The following PCDH7 variants were observed in gnomAD, a reference collection of about 807,000 sequenced individuals.
PCDH7 encodes protocadherin-7.
PCDH7 carries 17 observed loss-of-function variants against 58.9 expected under a neutral mutation model. The observed-to-expected ratio is 0.29, with a 90% CI of 0.20 to 0.43. The LOEUF (loss-of-function observed/expected upper bound fraction) is 0.43. Among genes scored for constraint, PCDH7 ranks in the 20% least tolerant of loss-of-function variants. The pLI is 1.00. For synonymous variants in PCDH7, 664 were observed against 616.4 expected, an observed-to-expected ratio of 1.08 and a Z score of -1.14; for missense variants, 1,274 against 1,441.0, an observed-to-expected ratio of 0.88 and a Z score of 1.88.
chr4:31,099,073 G>A (rs2109297881), intron 3 of PCDH7, among the ~76,000 whole-genome samples: 1 of 152,256 alleles, frequency 6.6e-6, no homozygotes, highest in Middle Eastern at 3.4e-3. Flanking sequence ...CAGTCATGTT[G>A]ATGGTGAAGG....
At chr4:31,123,786 G>T (rs906998387) in intron 3 of PCDH7, among the ~76,000 whole-genome samples, 1 of 152,120 alleles carries the variant, frequency 6.6e-6, no homozygotes, top group African/African-American at 2.4e-5. Flanking sequence ...GGATTTTATG[G>T]AGCAATGGAA....
chr4:31,138,802 T>C (rs1045180845), intron 3 of PCDH7, among the ~76,000 whole-genome samples: 1 of 152,038 alleles, frequency 6.6e-6, no homozygotes, highest in Non-Finnish European at 1.5e-5. Context: ...TGAAACCCCA[T>C]TGTATTTTGA....
intron 3 of PCDH7, among the ~76,000 whole-genome samples, chr4:31,101,076 C>G (rs1714832114): frequency 6.6e-6 from 1 of 152,100 alleles, no homozygotes; most frequent in South Asian, 2.1e-4. Flanking sequence ...CAAGCTGCTT[C>G]TCTGTTGATT....
intron 1 of PCDH7, among the ~76,000 whole-genome samples, chr4:30,915,903 A>C (rs138605723): frequency 6.6e-6 from 1 of 151,938 alleles, no homozygotes; most frequent in Non-Finnish European, 1.5e-5. Flanking sequence ...TGTATTATCT[A>C]TCCAATTTCT....
chr4:30,860,113 C>A (rs1467521881), intron 1 of PCDH7, among the ~76,000 whole-genome samples: 1 of 152,116 alleles, frequency 6.6e-6, no homozygotes, highest in African/African-American at 2.4e-5. Context: ...AATTCTCAAA[C>A]CTCTGAAGGG....
chr4:30,938,430 A>G (rs999643082), intron 2 of PCDH7, among the ~76,000 whole-genome samples: 3 of 151,888 alleles, frequency 2.0e-5, no homozygotes, highest in African/African-American at 7.3e-5. Context: ...TCATTCTGAA[A>G]TTTATGAGCA....
chr4:31,124,261 TA>T (rs770701780), intron 3 of PCDH7, among the ~76,000 whole-genome samples: 2 of 152,170 alleles, frequency 1.3e-5, no homozygotes, highest in Non-Finnish European at 2.9e-5. Flanking sequence ...CTTCTATGTG[TA>T]TACCATAATG....
chr4:30,730,305 A>G (rs1715300215), intron 1 of PCDH7, among the ~76,000 whole-genome samples: 1 of 151,986 alleles, frequency 6.6e-6, no homozygotes, highest in African/African-American at 2.4e-5. Context: ...GTTTTTTTAA[A>G]AAAACCCATA....
chr4:30,939,398 A>T (rs1745755381), intron 2 of PCDH7, among the ~76,000 whole-genome samples: 1 of 152,122 alleles, frequency 6.6e-6, no homozygotes, highest in Non-Finnish European at 1.5e-5. Context: ...CTGGTAATAA[A>T]CTTTCATGGA....
At chr4:30,885,737 G>A (rs967593169) in intron 1 of PCDH7, among the ~76,000 whole-genome samples, 2 of 152,130 alleles carry the variant, frequency 1.3e-5, no homozygotes, top group Admixed American at 6.6e-5. Flanking sequence ...CAAGGCTACA[G>A]TAACCAAAAC....
intron 1 of PCDH7, among the ~76,000 whole-genome samples, chr4:30,776,491 A>G (rs1447967304): frequency 6.6e-6 from 1 of 152,232 alleles, no homozygotes; most frequent in African/African-American, 2.4e-5. Flanking sequence ...AAATATCACC[A>G]TGTTTTAGAG....
Position 30,788,425 on chromosome 4 carries a change from G to A in PCDH7, c.70+63829G>A, listed in dbSNP as rs778949113. Among the ~76,000 whole-genome samples the A allele has an allele frequency of 4.3e-4, 65 of 152,030 alleles. No homozygotes were observed. The Middle Eastern group carries it at 0.014, about 32-fold the overall frequency. ...TCTTTCTATGTGACAATCAACTGCA[G>A]TTAGTACCCTATCTGTAATATTACA... is the stretch of plus-strand genomic sequence containing the variant. On this transcript the variant is annotated intron_variant, in intron 1 of 3. Coordinates refer to the PCDH7 transcript ENST00000509759.
intron 3 of PCDH7, among the ~76,000 whole-genome samples, chr4:30,991,896 G>T (rs1366277279): frequency 1.3e-5 from 2 of 152,226 alleles, no homozygotes; most frequent in East Asian, 1.9e-4. Flanking sequence ...TTTATTAGAA[G>T]AATTTTACTA....
chr4:30,786,681 A>C (rs1057172413), intron 1 of PCDH7: 1 of 768,366 alleles, frequency 1.3e-6, no homozygotes. Flanking sequence ...GCAAAACCCT[A>C]CTCACATCCC....
chr4:31,079,516 AAAG>A (rs1285883637), intron 3 of PCDH7, among the ~76,000 whole-genome samples: 2 of 151,300 alleles, frequency 1.3e-5, no homozygotes, highest in Non-Finnish European at 3.0e-5. Context: ...ATCAGATTCC[AAAG>A]AAGTCCAACA....
chr4:31,012,300 C>T (rs962712226), intron 3 of PCDH7, among the ~76,000 whole-genome samples: 3 of 151,972 alleles, frequency 2.0e-5, no homozygotes, highest in African/African-American at 7.2e-5. Flanking sequence ...AAATAATATT[C>T]GTTTTATTTT....
At chr4:31,129,490 C>T (rs185475245) in intron 3 of PCDH7, among the ~76,000 whole-genome samples, 9 of 152,066 alleles carry the variant, frequency 5.9e-5, no homozygotes, top group African/African-American at 2.2e-4. Flanking sequence ...ATGTGAGATC[C>T]GAAAGGCTCT....
At chr4:30,766,869 T>G (rs2109274586) in intron 1 of PCDH7, among the ~76,000 whole-genome samples, 1 of 152,242 alleles carries the variant, frequency 6.6e-6, no homozygotes. Context: ...ATTTTAGAAT[T>G]AATCACTGTA....
At chr4:31,072,536 G>T (rs1160973867) in intron 3 of PCDH7, among the ~76,000 whole-genome samples, 1 of 152,086 alleles carries the variant, frequency 6.6e-6, no homozygotes, top group Non-Finnish European at 1.5e-5. Flanking sequence ...AAAGCTTCTT[G>T]GAGGAGTCAC....
Sources: gnomAD v4.1 joint callset for allele counts (sites outside exome capture counted in the v4.1 genomes callset) on GRCh38, gnomAD v4.1.1 for gene constraint, MANE v1.5 for transcripts, NCBI Gene and HGNC (gene_info 2026-07-23, HGNC 2026-07-21) for gene names.